PRKG1: variants seen among roughly 807,000 people sequenced by gnomAD.
The protein encoded by PRKG1 is cGMP-dependent protein kinase 1.
PRKG1 carries 35 observed loss-of-function variants against 88.1 expected under a neutral mutation model. The ratio of observed to expected loss-of-function variants is 0.40; its 90% CI spans 0.30 to 0.53. The LOEUF (loss-of-function observed/expected upper bound fraction) is 0.53, where lower values mean the gene tolerates loss of function less well. Ranked by LOEUF, PRKG1 falls within the 20% of genes least tolerant of loss-of-function variation. The pLI, the probability that PRKG1 is intolerant of heterozygous loss-of-function variation, is 0.59. For synonymous variants in PRKG1, 303 were observed against 292.5 expected (o/e 1.04, Z -0.37); for missense variants, 540 against 839.8 (o/e 0.64, Z 4.41).
intron 10 of PRKG1, among the ~76,000 whole-genome samples, chr10:52,269,705 C>T (rs924417147): frequency 1.3e-5 from 2 of 152,056 alleles, no homozygotes; most frequent in Non-Finnish European, 2.9e-5. Context: ...ATAATATGGG[C>T]TGTTTGGTAT....
At position 52,012,245 on chromosome 10, in the gene PRKG1, CT is replaced by C. The variant is rs34119029; in HGVS notation, c.763-42225del. Among the ~76,000 whole-genome samples the C allele has an allele frequency of 3.0e-3, 422 of 139,146 alleles. 2 individuals carry two copies. The highest frequency in any genetic ancestry group is 0.011 in the Middle Eastern group (3 of 270). The allele number at this position is 139,146 out of a possible 152,430, so 91.3% of individuals were successfully genotyped here. A position where few individuals can be genotyped will look rare whatever the true frequency, so the allele number is the denominator to read the frequency against. ...TGTTCTTTTTGAAGGATTTATTTGCCTTTTTTTTTTTTTTGAGACAGGGTCT... is the reference window on the plus strand; with the variant it reads ...TGTTCTTTTTGAAGGATTTATTTGCCTTTTTTTTTTTTTGAGACAGGGTCT... On this transcript the variant is annotated intron_variant, in intron 5 of 17. Transcript: ENST00000373980.
intron 1 of PRKG1, among the ~76,000 whole-genome samples, chr10:51,036,251 T>G (rs1480396741): frequency 6.6e-6 from 1 of 152,178 alleles, no homozygotes; most frequent in Non-Finnish European, 1.5e-5. Flanking sequence ...CCCTATGTAT[T>G]TTTACCATTT....
chr10:51,720,946 A>G (rs553708817), intron 3 of PRKG1, among the ~76,000 whole-genome samples: 1 of 152,182 alleles, frequency 6.6e-6, no homozygotes, highest in African/African-American at 2.4e-5. Context: ...TCACACCTGT[A>G]ATCCAAGCAG....
chr10:52,114,349 C>T (rs1440633058), intron 7 of PRKG1, among the ~76,000 whole-genome samples: 4 of 151,918 alleles, frequency 2.6e-5, no homozygotes, highest in African/African-American at 7.3e-5. Context: ...TCAATTTCTT[C>T]GTCTATTGGG....
chr10:51,132,356 T>C (rs941455549), intron 1 of PRKG1, among the ~76,000 whole-genome samples: 1 of 152,096 alleles, frequency 6.6e-6, no homozygotes, highest in African/African-American at 2.4e-5. Context: ...CTACACCTCA[T>C]CTCTTTCAAT....
At chr10:51,270,585 G>T (rs1839952920) in intron 2 of PRKG1, among the ~76,000 whole-genome samples, 1 of 152,130 alleles carries the variant, frequency 6.6e-6, no homozygotes, top group Non-Finnish European at 1.5e-5. Context: ...TGGAAACTGT[G>T]AGTAGATCAC....
chr10:51,437,388 C>T (rs1048861262), intron 2 of PRKG1, among the ~76,000 whole-genome samples: 1 of 151,942 alleles, frequency 6.6e-6, no homozygotes, highest in Non-Finnish European at 1.5e-5. Flanking sequence ...TTGACCAATG[C>T]TATACAAATA....
At chr10:51,021,508 C>T (rs921793430) in intron 1 of PRKG1, among the ~76,000 whole-genome samples, 2 of 152,154 alleles carry the variant, frequency 1.3e-5, no homozygotes, top group African/African-American at 4.8e-5. Flanking sequence ...AATTCTGACC[C>T]ATTTTTCTAA....
At chr10:50,996,563 T>A (rs1246935835) in intron 1 of PRKG1, among the ~76,000 whole-genome samples, 1 of 152,228 alleles carries the variant, frequency 6.6e-6, no homozygotes, top group East Asian at 1.9e-4. Flanking sequence ...TTTCCTCAGT[T>A]AGCCCTGCTC....
At chr10:51,306,765 A>G (rs1314907029) in intron 2 of PRKG1, 2 of 152,234 alleles carry the variant, frequency 1.3e-5, no homozygotes, top group Non-Finnish European at 2.9e-5. Context: ...AAAGGAGCTT[A>G]CAGAGTATTT....
chr10:51,004,269 G>A (rs939005992), intron 1 of PRKG1, among the ~76,000 whole-genome samples: 45 of 152,116 alleles, frequency 3.0e-4, no homozygotes, highest in African/African-American at 8.7e-4. Flanking sequence ...TTCGAGACCA[G>A]CTTCACCAAC....
At chr10:51,520,596 C>A (rs1841710654) in intron 3 of PRKG1, among the ~76,000 whole-genome samples, 1 of 152,038 alleles carries the variant, frequency 6.6e-6, no homozygotes, top group Non-Finnish European at 1.5e-5. Context: ...ATGATTAAAA[C>A]CCAAGCAAAA....
intron 12 of PRKG1, among the ~76,000 whole-genome samples, chr10:52,280,577 T>G (rs753203450): frequency 6.6e-6 from 1 of 152,120 alleles, no homozygotes; most frequent in Non-Finnish European, 1.5e-5. Context: ...GATTTAACTA[T>G]TCCATTCATA....
chr10:52,038,707 G>C (rs989636773), intron 5 of PRKG1, among the ~76,000 whole-genome samples: 2 of 152,100 alleles, frequency 1.3e-5, no homozygotes. Flanking sequence ...TCCCTGCGTG[G>C]TCTGACACCT....
intron 2 of PRKG1, among the ~76,000 whole-genome samples, chr10:51,331,351 G>T (rs1841736391): frequency 3.3e-5 from 5 of 152,144 alleles, no homozygotes; most frequent in Admixed American, 2.0e-4. Context: ...CCAAGCAAGT[G>T]TGAAACTTGG....
intron 2 of PRKG1, among the ~76,000 whole-genome samples, chr10:51,412,697 A>G (rs1049857020): frequency 6.6e-6 from 1 of 152,154 alleles, no homozygotes; most frequent in Admixed American, 6.6e-5. Context: ...GTTCAAGCAG[A>G]CATTCAGTTT....
intron 10 of PRKG1, among the ~76,000 whole-genome samples, chr10:52,254,771 T>C (rs1325608566): frequency 1.3e-5 from 2 of 152,070 alleles, no homozygotes; most frequent in Admixed American, 6.6e-5. Flanking sequence ...AATAGTTTAT[T>C]ATCAATTTTT....
chr10:52,293,702 T>A (rs1406204779), intron 17 of PRKG1, 100 bp from the exon 18 acceptor site: 2 of 876,804 alleles, frequency 2.3e-6, no homozygotes, highest in Non-Finnish European at 3.7e-6. Flanking sequence ...CTCAATGAAA[T>A]AGTCACTAAT....
intron 9 of PRKG1, among the ~76,000 whole-genome samples, chr10:52,231,793 T>G (rs1840529595): frequency 6.6e-6 from 1 of 152,220 alleles, no homozygotes; most frequent in South Asian, 2.1e-4. Context: ...TCATTTCTGT[T>G]TAAATCTTTG....
Sources: gnomAD v4.1 joint callset for allele counts (sites outside exome capture counted in the v4.1 genomes callset) on GRCh38, gnomAD v4.1.1 for gene constraint, MANE v1.5 for transcripts, NCBI Gene and HGNC (gene_info 2026-07-23, HGNC 2026-07-21) for gene names.